ARSJ: variants seen among roughly 807,000 people sequenced by gnomAD.
ARSJ encodes the protein arylsulfatase J.
In ARSJ, 26 loss-of-function variants were observed where a neutral mutation model predicts 35.9. The observed-to-expected ratio is 0.72, with a 90% confidence interval of 0.53 to 1.00. The LOEUF is 1.00. ARSJ is among the 50% of genes least tolerant of loss of function. The probability of loss-of-function intolerance (pLI) is 0.00; values close to 1 mark genes in which losing one functional copy is unlikely to be tolerated. For synonymous variants in ARSJ, 294 were observed against 267.6 expected, an observed-to-expected ratio of 1.10 and a Z score of -0.96; for missense variants, 667 against 723.6, an observed-to-expected ratio of 0.92 and a Z score of 0.90.
chr4:113,904,390 C>G (rs1172001128), intron 1 of ARSJ, among the ~76,000 whole-genome samples: 1 of 152,142 alleles, frequency 6.6e-6, no homozygotes, highest in African/African-American at 2.4e-5. Context: ...TCATTAGCTC[C>G]TAGTTTCCTG....
At chr4:113,965,801 G>T (rs887686124) in intron 1 of ARSJ, among the ~76,000 whole-genome samples, 1 of 151,818 alleles carries the variant, frequency 6.6e-6, no homozygotes, top group African/African-American at 2.4e-5. Context: ...GTAAAAAATT[G>T]ATTTCAAACG....
chr4:113,921,117 A>ACTCT (rs1554114877), intron 1 of ARSJ, among the ~76,000 whole-genome samples: 411 of 149,406 alleles, frequency 2.8e-3, no homozygotes, highest in South Asian at 0.01. Context: ...ACACACACAC[A>ACTCT]CTTTAAATAA....
At chr4:113,965,301 T>C (rs1726822283) in intron 1 of ARSJ, among the ~76,000 whole-genome samples, 1 of 152,160 alleles carries the variant, frequency 6.6e-6, no homozygotes, top group African/African-American at 2.4e-5. Context: ...CTACTTAGCC[T>C]GCTGTTGCTT....
chr4:113,944,763 T>C (rs1562361008), intron 1 of ARSJ, among the ~76,000 whole-genome samples: 1 of 152,078 alleles, frequency 6.6e-6, no homozygotes, highest in Non-Finnish European at 1.5e-5. Flanking sequence ...ATGAATTTTA[T>C]TCAGTAGAGG....
chr4:113,937,210 T>C (rs1309755918), intron 1 of ARSJ, among the ~76,000 whole-genome samples: 1 of 151,940 alleles, frequency 6.6e-6, no homozygotes, highest in Non-Finnish European at 1.5e-5. Flanking sequence ...TTATTTAGGT[T>C]ATACTTTTTC....
intron 1 of ARSJ, among the ~76,000 whole-genome samples, chr4:113,945,495 G>A (rs892836193): frequency 1.3e-4 from 20 of 152,088 alleles, no homozygotes; most frequent in Admixed American, 1.0e-3. Flanking sequence ...GAGGACAGAA[G>A]TAAGTAAACT....
At position 113,925,307 on chromosome 4, in the gene ARSJ, C is replaced by T. The variant is rs190656284; in HGVS notation, c.399-21632G>A. Among the ~76,000 whole-genome samples, 663 of 152,058 alleles carry T rather than the reference C, an allele frequency of 4.4e-3. 2 individuals carry two copies. Among genetic ancestry groups the T allele is most frequent in the African/African-American group, 0.01 (431 of 41,486 alleles). ...TCTCTAGGCCAGCAGAAGGTAATGT[C>T]GCAGGAACAGGGAGCAAAAATTTTG... On this transcript the variant is annotated intron_variant, in intron 1 of 1. Transcript: ENST00000315366.
At chr4:113,933,631 C>A (rs1392896174) in intron 1 of ARSJ, among the ~76,000 whole-genome samples, 4 of 151,532 alleles carry the variant, frequency 2.6e-5, no homozygotes, top group African/African-American at 9.7e-5. Context: ...AAGAAAAAAA[C>A]CCATATGACA....
chr4:113,931,623 G>A (rs1290218764), intron 1 of ARSJ, among the ~76,000 whole-genome samples: 2 of 152,082 alleles, frequency 1.3e-5, no homozygotes, highest in East Asian at 3.9e-4. Flanking sequence ...AGTCCGGAGA[G>A]GTTAAGTATG....
chr4:113,971,499 A>G (rs1727247911), intron 1 of ARSJ, among the ~76,000 whole-genome samples: 1 of 152,118 alleles, frequency 6.6e-6, no homozygotes, highest in Admixed American at 6.5e-5. Context: ...ATTTGACCAT[A>G]ATTCTACTAT....
chr4:113,919,836 C>A (rs527633304), intron 1 of ARSJ, among the ~76,000 whole-genome samples: 5 of 152,068 alleles, frequency 3.3e-5, no homozygotes, highest in Non-Finnish European at 7.4e-5. Context: ...CTGAAAGATG[C>A]GTAAATGCAG....
In ARSJ at chr4:113,978,885, C is replaced by G; in HGVS notation, c.-51G>C. ...ACGCGGAGAACCACGCGCCCCGCGC[C>G]GCTGCGGGCGCACACATGCACCCAA... On this transcript the variant is annotated 5_prime_UTR_variant, in exon 1 of 2. Coordinates refer to ENST00000315366, the MANE Select transcript of ARSJ (RefSeq NM_024590.4). 1 of 1,521,094 alleles carries G rather than the reference C, an allele frequency of 6.6e-7. No homozygotes were observed. The highest frequency in any genetic ancestry group is 1.3e-5 in the South Asian group (1 of 76,470). The allele number at this position is 1,521,094 out of a possible 1,614,324, so 94.2% of individuals were successfully genotyped here. A position where few individuals can be genotyped will look rare whatever the true frequency, so the allele number is the denominator to read the frequency against.
chr4:113,948,271 T>C (rs1377702785), intron 1 of ARSJ, among the ~76,000 whole-genome samples: 1 of 152,130 alleles, frequency 6.6e-6, no homozygotes. Context: ...ACCCACTGTC[T>C]TATTTATATT....
At chr4:113,917,584 A>G (rs1206575132) in intron 1 of ARSJ, among the ~76,000 whole-genome samples, 2 of 152,180 alleles carry the variant, frequency 1.3e-5, no homozygotes, top group Non-Finnish European at 2.9e-5. Context: ...CAATATAGTT[A>G]GAAGAATATT....
At chr4:113,928,447 G>C (rs1455685934) in intron 1 of ARSJ, among the ~76,000 whole-genome samples, 2 of 152,104 alleles carry the variant, frequency 1.3e-5, no homozygotes, top group Non-Finnish European at 2.9e-5. Flanking sequence ...ATAGTCTTTT[G>C]TCCATTCTAC....
chr4:113,903,451 G>A lies in ARSJ; in HGVS notation c.623C>T (p.Thr208Ile). 6.2e-7 allele frequency: 1 copy of A among 1,614,154 alleles called. No individual in the cohort carries two copies. The highest frequency in any genetic ancestry group is 8.5e-7 in the Non-Finnish European group (1 of 1,180,014). Residue 208 changes from threonine (T) to isoleucine (I), a missense_variant, in exon 2 of 2, where the codon ACA (threonine) becomes ATA (isoleucine). Physicochemically the swap from Thr to Ile is moderately conservative, Grantham distance 89. Coordinates refer to ENST00000315366, the MANE Select transcript of ARSJ (RefSeq NM_024590.4). ...GSLLGSGDYY[T>I]HYKCDSPGMC... ...CCCAGGACTGTCACATTTGTAGTGT[G>A]TATAGTAATCCCCACTTCCCAAAAG...
chr4:113,959,287 A>C (rs1290957761), intron 1 of ARSJ, among the ~76,000 whole-genome samples: 1 of 151,960 alleles, frequency 6.6e-6, no homozygotes, highest in Non-Finnish European at 1.5e-5. Flanking sequence ...TAACAGCTCT[A>C]CCTCTAAATA....
At chr4:113,950,784 C>T (rs1048715803) in intron 1 of ARSJ, among the ~76,000 whole-genome samples, 1 of 152,010 alleles carries the variant, frequency 6.6e-6, no homozygotes, top group Non-Finnish European at 1.5e-5. Context: ...AGAGCGTATG[C>T]TTTCCTGATT....
intron 1 of ARSJ, among the ~76,000 whole-genome samples, chr4:113,924,407 T>C (rs551467401): frequency 6.6e-6 from 1 of 152,110 alleles, no homozygotes; most frequent in African/African-American, 2.4e-5. Flanking sequence ...CTGACTCAAA[T>C]GTTAATCTCC....
Sources: gnomAD v4.1 joint callset for allele counts (sites outside exome capture counted in the v4.1 genomes callset) on GRCh38, gnomAD v4.1.1 for gene constraint, MANE v1.5 for transcripts, NCBI Gene and HGNC (gene_info 2026-07-23, HGNC 2026-07-21) for gene names.